The following PDZRN3 variants were observed in gnomAD, a reference collection of about 807,000 sequenced individuals.
PDZRN3 encodes the protein PDZ domain containing ring finger 3.
In PDZRN3, 38 loss-of-function variants were observed where a neutral mutation model predicts 85.7. The observed-to-expected ratio is 0.44, with a 90% CI of 0.34 to 0.58. The LOEUF (loss-of-function observed/expected upper bound fraction) is 0.58, where lower values mean the gene tolerates loss of function less well. PDZRN3 is among the 20% of genes least tolerant of loss of function. The pLI, the probability that PDZRN3 is intolerant of heterozygous loss-of-function variation, is 0.01. For missense variants in PDZRN3, 1,629 were observed against 1,506.4 expected, an observed-to-expected ratio of 1.08 and a Z score of -1.35; for synonymous variants, 759 against 638.0, an observed-to-expected ratio of 1.19 and a Z score of -2.86.
chr3:73,423,028 T>C (rs1339519724), intron 3 of PDZRN3, among the ~76,000 whole-genome samples: 1 of 152,206 alleles, frequency 6.6e-6, no homozygotes, highest in African/African-American at 2.4e-5. Flanking sequence ...GTATATAAAA[T>C]GTACAGTATG....
intron 3 of PDZRN3, among the ~76,000 whole-genome samples, chr3:73,468,094 T>C (rs2106879032): frequency 6.6e-6 from 1 of 152,176 alleles, no homozygotes; most frequent in African/African-American, 2.4e-5. Flanking sequence ...GCAAATTTTA[T>C]GTTATGTATA....
Position 73,384,046 on chromosome 3 carries a change from C to T in PDZRN3, c.2520G>A (p.Arg840=). ...GGCTCCGGCTCCCGTCGCTGGCTCTCCGCTCTTTGCTTTCCAGGGGCTGGT... is the reference window on the plus strand; with the variant it reads ...GGCTCCGGCTCCCGTCGCTGGCTCTTCGCTCTTTGCTTTCCAGGGGCTGGT... ...DPNQPLESKE[R]RASDGSRSPT... is the part of the protein sequence containing the mutation. The change falls in exon 10 of 10, where the codon CGG becomes CGA. Residue 840 remains arginine (R), a synonymous_variant. Transcript: ENST00000263666. The T allele has an allele frequency of 2.5e-6, 4 of 1,603,192 alleles. No individual in the cohort carries two copies. Among genetic ancestry groups the T allele is most frequent in the Non-Finnish European group, 3.4e-6 (4 of 1,175,194 alleles).
At chr3:73,397,359 C>T (rs1430301259) in intron 5 of PDZRN3, among the ~76,000 whole-genome samples, 1 of 152,108 alleles carries the variant, frequency 6.6e-6, no homozygotes, top group African/African-American at 2.4e-5. Flanking sequence ...GAGATTGGCC[C>T]CTTACTTAAA....
chr3:73,551,015 A>G (rs917683163), intron 3 of PDZRN3, among the ~76,000 whole-genome samples: 11 of 152,200 alleles, frequency 7.2e-5, no homozygotes, highest in Admixed American at 2.0e-4. Flanking sequence ...GCTTTCAGGG[A>G]ACACCTTGTG....
At chr3:73,408,586 G>A (rs537338331) in intron 3 of PDZRN3, among the ~76,000 whole-genome samples, 1 of 147,900 alleles carries the variant, frequency 6.8e-6, no homozygotes, top group South Asian at 2.1e-4. Context: ...GATTCTTGGA[G>A]GAGGGGGGGG....
intron 1 of PDZRN3, among the ~76,000 whole-genome samples, chr3:73,617,986 G>A (rs975772917): frequency 6.6e-6 from 1 of 152,194 alleles, no homozygotes; most frequent in Non-Finnish European, 1.5e-5. Context: ...GATTACAGGC[G>A]TGAGCCACCA....
chr3:73,618,250 G>A (rs1354113042), intron 1 of PDZRN3, among the ~76,000 whole-genome samples: 1 of 152,168 alleles, frequency 6.6e-6, no homozygotes, highest in Non-Finnish European at 1.5e-5. Flanking sequence ...GGGTCTTTCT[G>A]AGGATGAAAT....
intron 3 of PDZRN3, among the ~76,000 whole-genome samples, chr3:73,552,554 T>C (rs1016667495): frequency 2.0e-5 from 3 of 152,148 alleles, no homozygotes; most frequent in African/African-American, 7.2e-5. Context: ...CGCATGTGAG[T>C]GTGTGTGTCC....
chr3:73,522,755 AAGAG>A (rs925415645), intron 3 of PDZRN3, among the ~76,000 whole-genome samples: 1 of 152,156 alleles, frequency 6.6e-6, no homozygotes, highest in African/African-American at 2.4e-5. Flanking sequence ...AGATATTTGA[AAGAG>A]AGAAACAATT....
Position 73,546,437 on chromosome 3 carries a change from C to A in PDZRN3, c.918+55917G>T, listed in dbSNP as rs186606207. ...TGGGATGGACTCACAGCTGTCTGTC[C>A]TTAGATCATAAAAGTACTGGCTTGT... is the stretch of plus-strand genomic sequence containing the variant. On this transcript the variant is annotated intron_variant, in intron 3 of 9. Coordinates refer to ENST00000263666, the MANE Select transcript of PDZRN3 (RefSeq NM_015009.3). 3.3e-5 allele frequency among the ~76,000 whole-genome samples: 5 copies of A among 152,332 alleles called. No homozygotes were observed. In the East Asian group the frequency reaches 9.6e-4, roughly 29 times the overall value.
intron 3 of PDZRN3, among the ~76,000 whole-genome samples, chr3:73,542,322 C>T (rs1704943087): frequency 6.6e-6 from 1 of 152,164 alleles, no homozygotes; most frequent in South Asian, 2.1e-4. Context: ...ACATGGTTGC[C>T]ATGAGCAACG....
chr3:73,466,034 A>C (rs1175936734), intron 3 of PDZRN3, among the ~76,000 whole-genome samples: 2 of 152,148 alleles, frequency 1.3e-5, no homozygotes, highest in Non-Finnish European at 2.9e-5. Context: ...ATTACGCTTT[A>C]CTCTAAAGCT....
chr3:73,521,004 G>C (rs1035761248), intron 3 of PDZRN3, among the ~76,000 whole-genome samples: 2 of 152,202 alleles, frequency 1.3e-5, no homozygotes, highest in African/African-American at 4.8e-5. Flanking sequence ...GTTGCACATG[G>C]CTTGGAAGCT....
intron 3 of PDZRN3, among the ~76,000 whole-genome samples, chr3:73,530,618 T>C (rs1407597448): frequency 1.3e-5 from 2 of 150,666 alleles, no homozygotes; most frequent in Non-Finnish European, 3.0e-5. Context: ...GTCTCTTAAA[T>C]TGTGATGAGA....
At position 73,460,863 on chromosome 3, in the gene PDZRN3, G is replaced by T. The variant is rs974742076; in HGVS notation, c.919-56468C>A. 2.0e-5 allele frequency among the ~76,000 whole-genome samples: 3 copies of T among 151,906 alleles called. No homozygotes were observed. The South Asian group carries it at 6.3e-4, about 32-fold the overall frequency. On this transcript the variant is annotated intron_variant, in intron 3 of 9. Coordinates refer to ENST00000263666, the MANE Select transcript of PDZRN3 (RefSeq NM_015009.3). ...GGCTGTAGTGCAGTGGCACAATCTC[G>T]GCTCACTGCAACCTCTGCCTCCCAG...
At position 73,624,406 on chromosome 3, in the gene PDZRN3, G is replaced by A. The variant is rs1559762068; in HGVS notation, c.420C>T (p.Gly140=). ...MRDACDARPV[G]RCQEGCGLPL... ...GTAGCCCGCAGCCCTCCTGGCAGCG[G>A]CCCACTGGCCGCGCGTCGCAGGCGT... The change falls in exon 1 of 10, where the codon GGC becomes GGT. Residue 140 remains glycine (G), a synonymous_variant. Transcript: ENST00000263666. The A allele has an allele frequency of 1.5e-6, 2 of 1,303,866 alleles. No homozygotes were observed. Among genetic ancestry groups the A allele is most frequent in the Non-Finnish European group, 1.9e-6 (2 of 1,031,366 alleles). The allele number at this position is 1,303,866 out of a possible 1,614,324, so 80.8% of individuals were successfully genotyped here. A position where few individuals can be genotyped will look rare whatever the true frequency, so the allele number is the denominator to read the frequency against.
chr3:73,568,874 G>A (rs924580528), intron 3 of PDZRN3, among the ~76,000 whole-genome samples: 1 of 152,220 alleles, frequency 6.6e-6, no homozygotes, highest in Non-Finnish European at 1.5e-5. Flanking sequence ...GGCTTATGCT[G>A]TAACTGTTTC....
intron 3 of PDZRN3, among the ~76,000 whole-genome samples, chr3:73,512,946 C>T (rs1166077062): frequency 6.6e-6 from 1 of 152,170 alleles, no homozygotes; most frequent in East Asian, 1.9e-4. Flanking sequence ...ACTTGTATTG[C>T]TTTCATTTAT....
intron 3 of PDZRN3, among the ~76,000 whole-genome samples, chr3:73,499,363 C>T (rs1338174707): frequency 6.6e-6 from 1 of 152,178 alleles, no homozygotes; most frequent in Non-Finnish European, 1.5e-5. Flanking sequence ...ACGCTGGTAA[C>T]TCACATGGCC....
Sources: gnomAD v4.1 joint callset for allele counts (sites outside exome capture counted in the v4.1 genomes callset) on GRCh38, gnomAD v4.1.1 for gene constraint, MANE v1.5 for transcripts, NCBI Gene and HGNC (gene_info 2026-07-23, HGNC 2026-07-21) for gene names.